The following ANK3 variants were observed in gnomAD, a reference collection of about 807,000 sequenced individuals.
ANK3 encodes the protein ankyrin-3.
A neutral mutation model predicts 370.9 loss-of-function variants in ANK3; 57 were observed. The ratio of observed to expected loss-of-function variants is 0.15; its 90% CI spans 0.12 to 0.19. The LOEUF is 0.19. Ranked by LOEUF, ANK3 falls within the 10% of genes least tolerant of loss-of-function variation. The pLI is 1.00. For synonymous variants in ANK3, 1,929 were observed against 1,946.3 expected (o/e 0.99, Z 0.23); for missense variants, 4,439 against 5,302.1 (o/e 0.84, Z 5.06).
At chr10:60,067,887 A>G in intron 38 of ANK3, 48 bp downstream of exon 38, 1 of 1,472,532 alleles carries the variant, frequency 6.8e-7, no homozygotes, top group Non-Finnish European at 9.3e-7. Flanking sequence ...GAGTAAGACA[A>G]AGAAATGAAG....
intron 2 of ANK3, among the ~76,000 whole-genome samples, chr10:60,402,402 T>C (rs1053499864): frequency 3.9e-5 from 6 of 152,168 alleles, no homozygotes; most frequent in African/African-American, 1.4e-4. Flanking sequence ...TATCATAACA[T>C]TGATGGTAAC....
chr10:60,552,290 G>A (rs957892875), intron 2 of ANK3, among the ~76,000 whole-genome samples: 3 of 152,114 alleles, frequency 2.0e-5, no homozygotes, highest in Non-Finnish European at 2.9e-5. Context: ...ATTATAAAAC[G>A]TAAGCTAGTT....
At chr10:60,338,495 T>C (rs770035266) in intron 1 of ANK3, among the ~76,000 whole-genome samples, 20 of 152,148 alleles carry the variant, frequency 1.3e-4, no homozygotes, top group Admixed American at 8.5e-4. Context: ...AAATGGGCTA[T>C]AAGCAGACAT....
At chr10:60,044,177 G>A (rs2076577103) in intron 42 of ANK3, 2 of 985,318 alleles carry the variant, frequency 2.0e-6, no homozygotes, top group African/African-American at 3.5e-5. Flanking sequence ...TCTGTTTTAG[G>A]AGATGACACT....
intron 2 of ANK3, among the ~76,000 whole-genome samples, chr10:60,527,373 T>C (rs1342874872): frequency 6.6e-6 from 1 of 152,062 alleles, no homozygotes; most frequent in Non-Finnish European, 1.5e-5. Context: ...AAGTCTTTTG[T>C]TTTTAGTAGT....
intron 1 of ANK3, among the ~76,000 whole-genome samples, chr10:60,386,026 G>C (rs1055866364): frequency 6.6e-6 from 1 of 152,124 alleles, no homozygotes; most frequent in African/African-American, 2.4e-5. Flanking sequence ...ACCACAAAGA[G>C]AGCACGTGTG....
At position 60,444,091 on chromosome 10, in the gene ANK3, T is replaced by C. The variant is rs369063410; in HGVS notation, c.97-164452A>G. 4.6e-5 allele frequency among the ~76,000 whole-genome samples: 7 copies of C among 152,254 alleles called. No individual in the cohort carries two copies. The East Asian group carries it at 9.6e-4, about 21-fold the overall frequency. On this transcript the variant is annotated intron_variant, in intron 2 of 43. Transcript: ENST00000373827. ...TGAAAATATATATGTATCTCAAATGTTAGCATGGGCACTTCTCAGTAATGG... is the reference window on the plus strand; with the variant it reads ...TGAAAATATATATGTATCTCAAATGCTAGCATGGGCACTTCTCAGTAATGG...
chr10:60,727,249 G>A (rs2079954194), intron 1 of ANK3, among the ~76,000 whole-genome samples: 1 of 152,142 alleles, frequency 6.6e-6, no homozygotes, highest in Admixed American at 6.5e-5. Context: ...ACTGTGGCAT[G>A]TTAATGCAAT....
At chr10:60,354,815 T>C (rs1312981339) in intron 1 of ANK3, among the ~76,000 whole-genome samples, 2 of 152,230 alleles carry the variant, frequency 1.3e-5, no homozygotes, top group African/African-American at 2.4e-5. Flanking sequence ...AATGTTATTA[T>C]AATACACGTT....
intron 35 of ANK3, chr10:60,081,421 G>A: frequency 5.3e-6 from 2 of 375,720 alleles, no homozygotes; most frequent in Non-Finnish European, 5.2e-6. Flanking sequence ...GCATCCTAAG[G>A]CTACTTGATT....
At position 60,240,303 on chromosome 10, in the gene ANK3, TATA is replaced by T. The variant is rs1203710383; in HGVS notation, c.799-5520_799-5518del. ...ACACATATATATATATATATATATA[TATA>T]TTTTTTTTTCTTTTTGAGATAGAGT... is the stretch of plus-strand genomic sequence containing the variant. On this transcript the variant is annotated intron_variant, in intron 7 of 43. Transcript: ENST00000280772. Among the ~76,000 whole-genome samples the T allele has an allele frequency of 1.4e-3, 137 of 99,696 alleles. 1 individual carries two copies. Among genetic ancestry groups the T allele is most frequent in the East Asian group, 0.012 (37 of 3,080 alleles). The allele number at this position is 99,696 out of a possible 152,430, so 65.4% of individuals were successfully genotyped here.
At chr10:60,431,598 G>A (rs1390959623) in intron 2 of ANK3, among the ~76,000 whole-genome samples, 3 of 152,112 alleles carry the variant, frequency 2.0e-5, no homozygotes, top group Non-Finnish European at 4.4e-5. Context: ...GTTGGACAAT[G>A]AGAACACGAG....
intron 1 of ANK3, among the ~76,000 whole-genome samples, chr10:60,354,871 G>A (rs1290442029): frequency 6.6e-6 from 1 of 151,998 alleles, no homozygotes; most frequent in African/African-American, 2.4e-5. Flanking sequence ...ATTTTCTTTT[G>A]TATTTTTTGA....
chr10:60,640,058 G>A (rs1261847977), intron 1 of ANK3, among the ~76,000 whole-genome samples: 2 of 151,878 alleles, frequency 1.3e-5, no homozygotes, highest in Non-Finnish European at 2.9e-5. Context: ...AAGCCAAAAA[G>A]GCTAAATTCA....
At chr10:60,369,455 C>T (rs2059826506) in intron 1 of ANK3, among the ~76,000 whole-genome samples, 2 of 152,166 alleles carry the variant, frequency 1.3e-5, no homozygotes, top group Non-Finnish European at 2.9e-5. Flanking sequence ...CTAGTCCTAT[C>T]TGAAGTCAAT....
At position 60,027,304 on chromosome 10, in the gene ANK3, TTTTA is replaced by T. The variant is rs2072453109; in HGVS notation, c.*2538_*2541del. On this transcript the variant is annotated 3_prime_UTR_variant, in exon 44 of 44. Transcript: ENST00000280772. ...TGGGAAAGTTTTTTTTTTTTTTTTT[TTTTA>T]AAAAAAAAACCTCTCAAGGGTCTAA... is the stretch of plus-strand genomic sequence containing the variant. 1 of 149,578 alleles carries T rather than the reference TTTTA, an allele frequency of 6.7e-6. No individual in the cohort carries two copies. Among genetic ancestry groups the T allele is most frequent in the Non-Finnish European group, 1.5e-5 (1 of 67,326 alleles). The allele number at this position is 149,578 out of a possible 1,614,324, so 9.3% of individuals were successfully genotyped here. A position where few individuals can be genotyped will look rare whatever the true frequency, so the allele number is the denominator to read the frequency against.
intron 28 of ANK3, among the ~76,000 whole-genome samples, chr10:60,094,181 A>ATTT (rs1169437967): frequency 6.9e-5 from 8 of 116,384 alleles, no homozygotes; most frequent in Non-Finnish European, 8.7e-5. Flanking sequence ...ACAGTATTCT[A>ATTT]TTTTTTTTTT....
intron 2 of ANK3, among the ~76,000 whole-genome samples, chr10:60,491,449 G>A (rs1421217732): frequency 1.3e-5 from 2 of 152,134 alleles, no homozygotes; most frequent in African/African-American, 4.8e-5. Flanking sequence ...ACATTTTCAA[G>A]GCATTTGAGA....
At chr10:60,562,756 C>G (rs1403348399) in intron 2 of ANK3, among the ~76,000 whole-genome samples, 1 of 151,902 alleles carries the variant, frequency 6.6e-6, no homozygotes, top group East Asian at 1.9e-4. Context: ...ATTACATCAT[C>G]TAACAGACAG....
Sources: gnomAD v4.1 joint callset for allele counts (sites outside exome capture counted in the v4.1 genomes callset) on GRCh38, gnomAD v4.1.1 for gene constraint, MANE v1.5 for transcripts, NCBI Gene and HGNC (gene_info 2026-07-23, HGNC 2026-07-21) for gene names.